Variants in MID1 observed in about 807,000 individuals in gnomAD.
MID1 encodes the protein E3 ubiquitin-protein ligase Midline-1.
Under a neutral mutation model 40.4 loss-of-function variants are expected in MID1, and 7 were observed. The ratio of observed to expected loss-of-function variants is 0.17; its 90% CI spans 0.10 to 0.33. The LOEUF is 0.33. Among genes scored for constraint, MID1 ranks in the 10% least tolerant of loss-of-function variants. The pLI is 1.00. For missense variants in MID1, 367 were observed against 558.5 expected (o/e 0.66, Z 3.46); for synonymous variants, 229 against 221.2 (o/e 1.04, Z -0.31).
At chrX:10,558,811 C>T (rs139025420) in intron 2 of MID1, among the ~76,000 whole-genome samples, 158 of 112,658 alleles carry the variant, frequency 1.4e-3, no homozygotes, top group African/African-American at 4.9e-3. Context: ...AGCACAAGAA[C>T]GTTAACAAGG....
intron 1 of MID1, among the ~76,000 whole-genome samples, chrX:10,754,781 C>T (rs1338227144): frequency 9.0e-6 from 1 of 111,505 alleles, no homozygotes; most frequent in African/African-American, 3.3e-5. Context: ...GTTCACATTA[C>T]CTCAAGTGAA....
chrX:10,669,225 C>CAAAAAAA (rs1350249196), intron 1 of MID1, among the ~76,000 whole-genome samples: 2 of 33,931 alleles, frequency 5.9e-5, no homozygotes, highest in African/African-American at 3.1e-4. Context: ...GACTCCGTCT[C>CAAAAAAA]AAAATAAAAA....
chrX:10,715,625 C>T (rs145028834), intron 1 of MID1, among the ~76,000 whole-genome samples: 2,496 of 112,008 alleles, frequency 0.022, 71 homozygotes, highest in African/African-American at 0.077. Flanking sequence ...AGGGGCAGGG[C>T]ATAGCCAAAC....
At chrX:10,688,809 A>G (rs1373748955) in intron 1 of MID1, among the ~76,000 whole-genome samples, 1 of 111,781 alleles carries the variant, frequency 8.9e-6, no homozygotes, top group Non-Finnish European at 1.9e-5. Context: ...TGAGAAAAGA[A>G]AAAGTTCAGA....
intron 1 of MID1, among the ~76,000 whole-genome samples, chrX:10,724,743 G>A (rs1001011168): frequency 4.5e-5 from 5 of 112,287 alleles, no homozygotes; most frequent in African/African-American, 9.7e-5. Flanking sequence ...CCACCTTGTG[G>A]TTTTACTGTT....
intron 1 of MID1, among the ~76,000 whole-genome samples, chrX:10,812,175 A>G (rs2044106938): frequency 8.9e-6 from 1 of 111,835 alleles, no homozygotes; most frequent in African/African-American, 3.3e-5. Flanking sequence ...CATCAGCCAC[A>G]TTATTTGGGG....
At chrX:10,516,560 T>TTGTGTGTGTG (rs57101806) in intron 3 of MID1, among the ~76,000 whole-genome samples, 181 of 73,339 alleles carry the variant, frequency 2.5e-3, no homozygotes, top group Middle Eastern at 8.3e-3. Flanking sequence ...TACTCTGCTC[T>TTGTGTGTGTG]TGTGTGTGTG....
intron 1 of MID1, among the ~76,000 whole-genome samples, chrX:10,702,172 A>G (rs1210316213): frequency 8.9e-6 from 1 of 112,526 alleles, no homozygotes; most frequent in Non-Finnish European, 1.9e-5. Flanking sequence ...TACAAAATCC[A>G]CTGGAAATAA....
Position 10,482,490 on chromosome X carries a change from T to C in MID1, c.1003A>G (p.Ile335Val). 1 of 1,210,939 alleles carries C rather than the reference T, an allele frequency of 8.3e-7. No individual in the cohort carries two copies. The highest frequency in any genetic ancestry group is 1.1e-6 in the Non-Finnish European group (1 of 895,474). Residue 335 changes from isoleucine (I) to valine (V), a missense_variant, in exon 5 of 10, where the codon ATC (isoleucine) becomes GTC (valine). Ile to Val is a conservative substitution (Grantham distance 29). This residue lies in a region of MID1 where 275 missense variants were observed against 383.1 expected (regional missense o/e 0.72). Transcript: ENST00000317552. ...HARFLQTAKN[I>V]TERVSMATAS... Reference sequence around the variant, plus strand: ...GGCCCCTGCACTCACCTCTCGGTGATATTCTTAGCAGTCTGTAGGAAACGC... The same window carrying C: ...GGCCCCTGCACTCACCTCTCGGTGACATTCTTAGCAGTCTGTAGGAAACGC...
intron 1 of MID1, among the ~76,000 whole-genome samples, chrX:10,606,606 A>G (rs909185993): frequency 8.9e-6 from 1 of 112,330 alleles, no homozygotes; most frequent in Non-Finnish European, 1.9e-5. Flanking sequence ...GTATTTTATT[A>G]CCTATTAAAT....
chrX:10,459,850 G>T, intron 7 of MID1, 43 bp from the exon 8 acceptor site: 1 of 1,152,192 alleles, frequency 8.7e-7, no homozygotes. Flanking sequence ...TGGCACAAGG[G>T]GAGCAATGTT....
At chrX:10,627,783 C>T (rs1275742490) in intron 1 of MID1, among the ~76,000 whole-genome samples, 1 of 111,872 alleles carries the variant, frequency 8.9e-6, no homozygotes, top group South Asian at 3.7e-4. Flanking sequence ...TAGAAACAAG[C>T]AAATCAGGCT....
chrX:10,606,552 T>C (rs932046109), intron 1 of MID1, among the ~76,000 whole-genome samples: 5 of 111,801 alleles, frequency 4.5e-5, no homozygotes, highest in Non-Finnish European at 9.4e-5. Context: ...CCAATTTCTC[T>C]ATAAAATTCT....
At chrX:10,490,787 T>C (rs1930903809) in intron 4 of MID1, among the ~76,000 whole-genome samples, 1 of 112,104 alleles carries the variant, frequency 8.9e-6, no homozygotes, top group South Asian at 3.7e-4. Flanking sequence ...AAGTAAGCTA[T>C]AGAACTGTGG....
At chrX:10,792,461 C>T (rs1242415156) in intron 1 of MID1, among the ~76,000 whole-genome samples, 5 of 112,454 alleles carry the variant, frequency 4.4e-5, no homozygotes. Context: ...TGACCGAACA[C>T]ATATTCTCCC....
intron 1 of MID1, among the ~76,000 whole-genome samples, chrX:10,580,642 A>G (rs1460280308): frequency 2.7e-5 from 3 of 111,733 alleles, no homozygotes; most frequent in Admixed American, 9.5e-5. Context: ...TAGTCTCTAA[A>G]GAAGTTCAAA....
rs2043526788 is a variant in MID1, at chrX:10,742,092, T to C, written c.-187+91462A>G. Among the ~76,000 whole-genome samples the C allele has an allele frequency of 4.5e-5, 5 of 111,090 alleles. No individual in the cohort carries two copies. The South Asian group carries it at 1.9e-3, about 43-fold the overall frequency. On this transcript the variant is annotated intron_variant, in intron 1 of 10. Transcript: ENST00000380785. ...GCCCCTCCCTCGCCCCACCTCTCCC[T>C]TTGGCTCAATGCCCTCATATTCCTT...
At chrX:10,649,660 G>A (rs1936297260) in intron 1 of MID1, among the ~76,000 whole-genome samples, 1 of 111,778 alleles carries the variant, frequency 8.9e-6, no homozygotes, top group African/African-American at 3.3e-5. Flanking sequence ...AGTCTCTAGC[G>A]TTTTTCAAAG....
At chrX:10,758,706 T>A (rs2043653418) in intron 1 of MID1, among the ~76,000 whole-genome samples, 1 of 109,153 alleles carries the variant, frequency 9.2e-6, no homozygotes, top group Non-Finnish European at 1.9e-5. Flanking sequence ...AGAGAGATGG[T>A]CTCGATCTCC....
Sources: allele counts gnomAD v4.1 joint callset (sites outside exome capture counted in the v4.1 genomes callset), GRCh38; gene constraint gnomAD v4.1.1; regional missense constraint gnomAD v4.1.1; transcripts MANE v1.5; gene names NCBI Gene and HGNC (gene_info 2026-07-23, HGNC 2026-07-21).